CAMK4: variants seen among roughly 807,000 people sequenced by gnomAD.
The protein encoded by CAMK4 is calcium/calmodulin-dependent protein kinase type IV.
In CAMK4, 22 loss-of-function variants were observed where a neutral mutation model predicts 44.9. That is an observed-to-expected ratio of 0.49 (90% CI 0.35 to 0.70). The LOEUF (loss-of-function observed/expected upper bound fraction) is 0.70, where lower values mean the gene tolerates loss of function less well. Ranked by LOEUF, CAMK4 falls within the 30% of genes least tolerant of loss-of-function variation. CAMK4 has a pLI of 0.01. For missense variants in CAMK4, 498 were observed against 586.8 expected, an observed-to-expected ratio of 0.85 and a Z score of 1.56; for synonymous variants, 218 against 215.4, an observed-to-expected ratio of 1.01 and a Z score of -0.11.
intron 5 of CAMK4, among the ~76,000 whole-genome samples, chr5:111,422,067 G>C (rs1753051756): frequency 6.6e-6 from 1 of 152,130 alleles, no homozygotes; most frequent in Admixed American, 6.5e-5. Flanking sequence ...CCATGCTTGG[G>C]TATGTCTTTA....
At chr5:111,269,886 T>G (rs1750430111) in intron 1 of CAMK4, 1 of 152,228 alleles carries the variant, frequency 6.6e-6, no homozygotes, top group South Asian at 2.1e-4. Flanking sequence ...CTGTCCCGTG[T>G]TTTTTAGAGC....
chr5:111,377,973 T>C (rs1751276980), intron 4 of CAMK4, among the ~76,000 whole-genome samples: 1 of 152,068 alleles, frequency 6.6e-6, no homozygotes, highest in South Asian at 2.1e-4. Flanking sequence ...GGGATTAGTT[T>C]TGAATGCGTT....
chr5:111,474,515 A>G (rs1755170244), intron 8 of CAMK4, among the ~76,000 whole-genome samples: 1 of 152,118 alleles, frequency 6.6e-6, no homozygotes, highest in Admixed American at 6.6e-5. Context: ...TCTAAACCTG[A>G]TTGCCTCCCA....
At chr5:111,367,540 A>T (rs180743152) in intron 2 of CAMK4, among the ~76,000 whole-genome samples, 57 of 152,196 alleles carry the variant, frequency 3.7e-4, no homozygotes, top group Admixed American at 1.2e-3. Flanking sequence ...TTTTCTGCCT[A>T]CTTGCTACCT....
chr5:111,417,234 T>TTG (rs1752847368), intron 5 of CAMK4, among the ~76,000 whole-genome samples: 2 of 151,178 alleles, frequency 1.3e-5, no homozygotes, highest in East Asian at 3.9e-4. Context: ...CTAATTTTTT[T>TTG]TTTTTTTTGA....
intron 5 of CAMK4, among the ~76,000 whole-genome samples, chr5:111,440,765 GA>G (rs1377716455): frequency 6.6e-6 from 1 of 151,976 alleles, no homozygotes; most frequent in East Asian, 1.9e-4. Context: ...AAAACAGAAG[GA>G]AAAAATATGA....
At chr5:111,369,201 G>A (rs1458132208) in intron 2 of CAMK4, among the ~76,000 whole-genome samples, 2 of 151,760 alleles carry the variant, frequency 1.3e-5, no homozygotes, top group Non-Finnish European at 1.5e-5. Flanking sequence ...GAGTGGCTGG[G>A]ATTACAGGCA....
intron 1 of CAMK4, among the ~76,000 whole-genome samples, chr5:111,282,232 A>G (rs992748068): frequency 1.3e-4 from 20 of 152,174 alleles, no homozygotes; most frequent in African/African-American, 4.8e-4. Context: ...TTTATCTAAC[A>G]TTTAAAATAC....
intron 5 of CAMK4, among the ~76,000 whole-genome samples, chr5:111,398,380 G>A (rs1752098992): frequency 6.6e-6 from 1 of 152,120 alleles, no homozygotes; most frequent in African/African-American, 2.4e-5. Context: ...AAGGGGGGTT[G>A]TTCTAAGGGA....
At chr5:111,458,672 C>T (rs2268944) in intron 7 of CAMK4, among the ~76,000 whole-genome samples, 50,754 of 151,898 alleles carry the variant, frequency 0.33, 10,153 homozygotes, top group Middle Eastern at 0.5. Flanking sequence ...GCCTGGGTTA[C>T]AGTTTAAACA....
intron 5 of CAMK4, 113 bp downstream of exon 5, chr5:111,394,895 T>G (rs1751938565): frequency 4.4e-6 from 3 of 686,386 alleles, no homozygotes; most frequent in Non-Finnish European, 7.5e-6. Flanking sequence ...AGCATAAAGT[T>G]GTGAAATATT....
chr5:111,362,331 T>C (rs1750626139), intron 2 of CAMK4, among the ~76,000 whole-genome samples: 1 of 152,068 alleles, frequency 6.6e-6, no homozygotes, highest in African/African-American at 2.4e-5. Context: ...AAGGAATCAT[T>C]CATGTCTAAC....
rs111307041 is a variant in CAMK4 at position 111,290,601 on chromosome 5, G to A, written c.162-53423G>A. On this transcript the variant is annotated intron_variant, in intron 1 of 10. Coordinates refer to ENST00000282356, the MANE Select transcript of CAMK4 (RefSeq NM_001744.6). The surrounding 1 kb of genome is among the most constrained non-coding windows in gnomAD (Gnocchi z 4.5). ...GATGCGGGGCAGAGCCAAGGGGAACGTTTTGTTCAGTGACTCTTGAGCTGG... is the reference window on the plus strand; with the variant it reads ...GATGCGGGGCAGAGCCAAGGGGAACATTTTGTTCAGTGACTCTTGAGCTGG... Among the ~76,000 whole-genome samples, 136 of 152,320 alleles carry A rather than the reference G, an allele frequency of 8.9e-4. 3 individuals carry two copies. The highest frequency in any genetic ancestry group is 3.1e-3 in the African/African-American group (127 of 41,574).
At chr5:111,327,817 G>T (rs1260330912) in intron 1 of CAMK4, among the ~76,000 whole-genome samples, 8 of 149,882 alleles carry the variant, frequency 5.3e-5, no homozygotes, top group Non-Finnish European at 8.9e-5. Flanking sequence ...CTTTTGAGAA[G>T]TGTCTGTTCA....
chr5:111,333,997 G>A (rs1749287651), intron 1 of CAMK4, among the ~76,000 whole-genome samples: 1 of 151,380 alleles, frequency 6.6e-6, no homozygotes, highest in African/African-American at 2.4e-5. Context: ...ACTGAAGTGA[G>A]GTGCTTACGC....
intron 1 of CAMK4, among the ~76,000 whole-genome samples, chr5:111,340,629 G>A (rs1749601133): frequency 6.6e-6 from 1 of 151,190 alleles, no homozygotes; most frequent in African/African-American, 2.4e-5. Flanking sequence ...TTTTGTTGAG[G>A]ATTTTTGTAT....
At chr5:111,329,965 A>G (rs1010131619) in intron 1 of CAMK4, among the ~76,000 whole-genome samples, 3 of 151,712 alleles carry the variant, frequency 2.0e-5, no homozygotes, top group African/African-American at 7.3e-5. Flanking sequence ...CTACTTCAAT[A>G]GAATATTATA....
intron 1 of CAMK4, among the ~76,000 whole-genome samples, chr5:111,242,224 A>G (rs1439790561): frequency 6.6e-6 from 1 of 152,070 alleles, no homozygotes; most frequent in Non-Finnish European, 1.5e-5. Context: ...TTCCCCTAAT[A>G]AGACATATTC....
rs34618322 is a variant in CAMK4 at position 111,424,434 on chromosome 5, C to CTTTTTTT, written c.460-22230_460-22224dup. Among the ~76,000 whole-genome samples the CTTTTTTT allele has an allele frequency of 6.6e-4, 43 of 64,906 alleles. 1 individual carries two copies. The highest frequency in any genetic ancestry group is 1.0e-3 in the East Asian group (2 of 1,918). 42.6% of individuals were successfully genotyped at this position (64,906 alleles called of 152,430 possible). On this transcript the variant is annotated intron_variant, in intron 5 of 10. Transcript: ENST00000282356. Reference sequence around the variant, plus strand: ...TATATGCATATATGCATCTTCTATTCTTTTTTTTTTTTTTTTTTTTTTTTT... The same window carrying CTTTTTTT: ...TATATGCATATATGCATCTTCTATTCTTTTTTTTTTTTTTTTTTTTTTTTTTTTTTTT...
Sources: allele counts gnomAD v4.1 joint callset (sites outside exome capture counted in the v4.1 genomes callset), GRCh38; gene constraint gnomAD v4.1.1; non-coding constraint Gnocchi (gnomAD v3.1); transcripts MANE v1.5; gene names NCBI Gene and HGNC (gene_info 2026-07-23, HGNC 2026-07-21).